Variants in GK observed in about 807,000 individuals in gnomAD.
GK encodes ATP:glycerol 3-phosphotransferase.
A neutral mutation model predicts 56.4 loss-of-function variants in GK; 9 were observed. The ratio of observed to expected loss-of-function variants is 0.16; its 90% CI spans 0.10 to 0.28. The LOEUF (loss-of-function observed/expected upper bound fraction) is 0.28, where lower values mean the gene tolerates loss of function less well. GK is among the 10% of genes least tolerant of loss of function. GK has a pLI of 1.00. For missense variants in GK, 161 were observed against 431.4 expected (o/e 0.37, Z 5.55); for synonymous variants, 104 against 144.1 (o/e 0.72, Z 1.99).
intron 4 of GK, among the ~76,000 whole-genome samples, chrX:30,688,093 G>A (rs1934720839): frequency 8.9e-6 from 1 of 111,846 alleles, no homozygotes; most frequent in Non-Finnish European, 1.9e-5. Flanking sequence ...GACCAAGAAG[G>A]GTAAAATGAG....
At chrX:30,665,882 G>A (rs1933046567) in intron 2 of GK, among the ~76,000 whole-genome samples, 1 of 111,560 alleles carries the variant, frequency 9.0e-6, no homozygotes, top group South Asian at 3.7e-4. Flanking sequence ...TCCTATTATT[G>A]CAAAAATGCT....
In GK at chrX:30,724,143, A is replaced by C; in HGVS notation, c.1544A>C (p.Lys515Thr). The C allele has an allele frequency of 8.5e-7, 1 of 1,179,859 alleles. No individual in the cohort carries two copies. Among genetic ancestry groups the C allele is most frequent in the Admixed American group, 2.2e-5 (1 of 46,013 alleles). ...RYSTWKKAVM[K>T]SMGWVTTQSP... is the part of the protein sequence containing the mutation. ...TCTACATGGAAGAAAGCTGTGATGAAGTCAATGGGTTGGGTTACAACTCAA... is the reference window on the plus strand; with the variant it reads ...TCTACATGGAAGAAAGCTGTGATGACGTCAATGGGTTGGGTTACAACTCAA... The change falls in exon 19 of 21, where the codon AAG becomes ACG. Residue 515 changes from lysine (K) to threonine (T), a missense_variant. By Grantham distance (78) the Lys-to-Thr change is moderately conservative. Coordinates refer to ENST00000427190, the MANE Select transcript of GK (RefSeq NM_001205019.2).
chrX:30,654,673 A>G (rs1193184579), intron 1 of GK, among the ~76,000 whole-genome samples: 1 of 111,341 alleles, frequency 9.0e-6, no homozygotes, highest in Non-Finnish European at 1.9e-5. Context: ...CAGTGAGCAG[A>G]GATCACACCA....
At chrX:30,717,085 A>C (rs1936664775) in intron 13 of GK, among the ~76,000 whole-genome samples, 1 of 111,963 alleles carries the variant, frequency 8.9e-6, no homozygotes, top group Admixed American at 9.5e-5. Flanking sequence ...TCTCTAGTTT[A>C]CTTACATTTT....
chrX:30,696,864 AT>A, intron 8 of GK, 181 bp downstream of exon 8: 1 of 448,623 alleles, frequency 2.2e-6, no homozygotes, highest in Non-Finnish European at 3.9e-6. Context: ...ATTTGCATTT[AT>A]AAACTTTAAT....
At chrX:30,727,378 T>C (rs1199603044) in intron 19 of GK, 88 bp from the exon 20 acceptor site, 4 of 564,118 alleles carry the variant, frequency 7.1e-6, no homozygotes, top group Non-Finnish European at 1.2e-5. Flanking sequence ...TGTTTTGCTA[T>C]CTTGTGATTC....
intron 3 of GK, among the ~76,000 whole-genome samples, chrX:30,669,617 A>G (rs769409478): frequency 1.8e-5 from 2 of 112,026 alleles, no homozygotes; most frequent in Non-Finnish European, 3.8e-5. Flanking sequence ...TGTCTACTTT[A>G]TAGCCTAAAA....
chrX:30,714,516 T>C (rs1276778957), intron 13 of GK, among the ~76,000 whole-genome samples: 4 of 112,136 alleles, frequency 3.6e-5, no homozygotes, highest in Non-Finnish European at 7.5e-5. Context: ...TAGGGCTACC[T>C]GCAGTTCCCT....
At chrX:30,667,989 C>A (rs1933197260) in intron 2 of GK, 23 bp from the exon 3 acceptor site, 3 of 825,452 alleles carry the variant, frequency 3.6e-6, no homozygotes, top group Non-Finnish European at 5.5e-6. Context: ...TCTTACTAAC[C>A]AAATGCCTTC....
chrX:30,671,862 G>A (rs1171863789), intron 3 of GK: 1 of 111,111 alleles, frequency 9.0e-6, no homozygotes, highest in Admixed American at 9.6e-5. Flanking sequence ...AAAGAGTTAC[G>A]GCTGGGCATG....
chrX:30,725,813 G>A (rs1937103800), intron 19 of GK, among the ~76,000 whole-genome samples: 1 of 110,033 alleles, frequency 9.1e-6, no homozygotes, highest in East Asian at 2.9e-4. Flanking sequence ...CACCGTGCCC[G>A]GCTAATTTTT....
At chrX:30,677,985 C>T in intron 4 of GK, 1 of 549,932 alleles carries the variant, frequency 1.8e-6, no homozygotes, top group Non-Finnish European at 3.4e-6. Flanking sequence ...ATGCTCTCTC[C>T]TCTTGCAGAT....
chrX:30,714,895 A>T (rs1936532764), intron 13 of GK, among the ~76,000 whole-genome samples: 1 of 112,603 alleles, frequency 8.9e-6, no homozygotes, highest in African/African-American at 3.2e-5. Context: ...TTACTGAAGT[A>T]TTAATGAAAT....
At chrX:30,701,934 A>G (rs768232378) in intron 11 of GK, among the ~76,000 whole-genome samples, 7 of 112,551 alleles carry the variant, frequency 6.2e-5, no homozygotes, top group South Asian at 7.3e-4. Context: ...TCTCAAGGCC[A>G]TGCCTTCTGA....
chrX:30,715,540 CTAAAG>C (rs770984859), intron 13 of GK, among the ~76,000 whole-genome samples: 1 of 112,062 alleles, frequency 8.9e-6, no homozygotes, highest in South Asian at 3.7e-4. Flanking sequence ...AGATGATATA[CTAAAG>C]TATTGGATCT....
At chrX:30,680,442 G>A (rs949292967) in intron 4 of GK, among the ~76,000 whole-genome samples, 3 of 111,900 alleles carry the variant, frequency 2.7e-5, no homozygotes, top group Non-Finnish European at 5.6e-5. Context: ...GGGTTGGTGA[G>A]GATATAGAGG....
intron 1 of GK, among the ~76,000 whole-genome samples, chrX:30,660,725 C>T (rs1239541103): frequency 9.1e-6 from 1 of 110,120 alleles, no homozygotes; most frequent in Admixed American, 9.8e-5. Context: ...GTGCTCTTTG[C>T]CTCTACATCA....
At chrX:30,662,709 TTTTC>T (rs201163775) in intron 1 of GK, among the ~76,000 whole-genome samples, 2,275 of 102,691 alleles carry the variant, frequency 0.022, 62 homozygotes, top group African/African-American at 0.063. Flanking sequence ...CTCTTTCTCT[TTTTC>T]TTTCTTTCTT....
At chrX:30,690,721 T>C (rs1934886539) in intron 4 of GK, among the ~76,000 whole-genome samples, 1 of 111,979 alleles carries the variant, frequency 8.9e-6, no homozygotes, top group African/African-American at 3.2e-5. Context: ...GCACACTTTA[T>C]ATATGGTATG....
Sources: gnomAD v4.1 joint callset for allele counts (sites outside exome capture counted in the v4.1 genomes callset) on GRCh38, gnomAD v4.1.1 for gene constraint, MANE v1.5 for transcripts, NCBI Gene and HGNC (gene_info 2026-07-23, HGNC 2026-07-21) for gene names.